The following THADA variants were observed in gnomAD, a reference collection of about 807,000 sequenced individuals.
The protein encoded by THADA is THADA armadillo repeat containing, also known as tRNA (32-2'-O)-methyltransferase regulator THADA.
In THADA, 213 loss-of-function variants were observed where a neutral mutation model predicts 219.8. The ratio of observed to expected loss-of-function variants is 0.97; its 90% CI spans 0.87 to 1.09. THADA has a LOEUF of 1.09. Among genes scored for constraint, THADA ranks in the 50% least tolerant of loss-of-function variants. The pLI is 0.00. For missense variants in THADA, 2,956 were observed against 2,311.3 expected (o/e 1.28, Z -5.72); for synonymous variants, 1,018 against 828.9 (o/e 1.23, Z -3.92).
chr2:43,320,841 T>C (rs1678623838), intron 30 of THADA, among the ~76,000 whole-genome samples: 1 of 152,174 alleles, frequency 6.6e-6, no homozygotes, highest in Non-Finnish European at 1.5e-5. Flanking sequence ...CTTAGTTAGT[T>C]GAAAATAAGA....
intron 29 of THADA, among the ~76,000 whole-genome samples, chr2:43,377,866 C>T (rs1671557323): frequency 6.6e-6 from 1 of 152,136 alleles, no homozygotes; most frequent in Non-Finnish European, 1.5e-5. Context: ...AAAAGAATTA[C>T]AACCCTTGGG....
At chr2:43,359,341 A>G (rs1669229265) in intron 29 of THADA, among the ~76,000 whole-genome samples, 1 of 152,186 alleles carries the variant, frequency 6.6e-6, no homozygotes, top group African/African-American at 2.4e-5. Context: ...GGGGCCTGTG[A>G]TATCAGTCCT....
At position 43,296,471 on chromosome 2, in the gene THADA, T is replaced by TCA. The variant is rs1384773863; in HGVS notation, c.4439-3260_4439-3259dup. ...TTGTATTTTTAGTAGAGACAGGGTT[T>TCA]CACCATGTTGCCCAGGCTGGTCTCA... On this transcript the variant is annotated intron_variant, in intron 31 of 37. Transcript: ENST00000405975. Among the ~76,000 whole-genome samples the TCA allele has an allele frequency of 2.0e-5, 3 of 151,836 alleles. 1 individual carries two copies. Among genetic ancestry groups the TCA allele is most frequent in the Non-Finnish European group, 2.9e-5 (2 of 67,954 alleles).
chr2:43,375,609 T>C (rs1353285517), intron 29 of THADA, among the ~76,000 whole-genome samples: 1 of 152,218 alleles, frequency 6.6e-6, no homozygotes, highest in Non-Finnish European at 1.5e-5. Flanking sequence ...AGCATGCACT[T>C]CAAAATAATT....
At chr2:43,285,235 A>T (rs1345262456) in intron 35 of THADA, among the ~76,000 whole-genome samples, 1 of 152,216 alleles carries the variant, frequency 6.6e-6, no homozygotes, top group East Asian at 1.9e-4. Flanking sequence ...GGGCAAAATG[A>T]TATGATCTGG....
intron 26 of THADA, among the ~76,000 whole-genome samples, chr2:43,449,631 T>C (rs981179756): frequency 5.3e-5 from 8 of 152,084 alleles, no homozygotes; most frequent in African/African-American, 1.9e-4. Context: ...TAGCCAGTCA[T>C]GGTGGTGTGC....
rs189479073 is a variant in THADA at position 43,525,355 on chromosome 2, A to G, written c.3374+2524T>C. On this transcript the variant is annotated intron_variant, in intron 22 of 37. Coordinates refer to ENST00000405975, the MANE Select transcript of THADA (RefSeq NM_022065.5). ...AATATGATCTTGCCACTTTGCTGTC[A>G]AAAGGTAGACTGAATCCAGGCTGGT... 7.2e-5 allele frequency among the ~76,000 whole-genome samples: 11 copies of G among 152,356 alleles called. No individual in the cohort carries two copies. The East Asian group carries it at 2.1e-3, about 29-fold the overall frequency.
intron 21 of THADA, among the ~76,000 whole-genome samples, chr2:43,529,907 T>A (rs1398496884): frequency 6.6e-6 from 1 of 152,184 alleles, no homozygotes; most frequent in African/African-American, 2.4e-5. Flanking sequence ...ATACCAGTAT[T>A]TAGGACACAG....
intron 35 of THADA, among the ~76,000 whole-genome samples, chr2:43,282,932 C>T (rs1673534460): frequency 6.6e-6 from 1 of 152,264 alleles, no homozygotes; most frequent in Non-Finnish European, 1.5e-5. Context: ...CAAAATATCT[C>T]CACCTTTACG....
At chr2:43,291,009 T>C (rs898551166) in intron 34 of THADA, among the ~76,000 whole-genome samples, 1 of 152,092 alleles carries the variant, frequency 6.6e-6, no homozygotes, top group Non-Finnish European at 1.5e-5. Context: ...GTTCACTAGG[T>C]TGCAATCCTA....
At chr2:43,277,006 T>C (rs1027676914) in intron 36 of THADA, among the ~76,000 whole-genome samples, 14 of 152,022 alleles carry the variant, frequency 9.2e-5, no homozygotes, top group African/African-American at 3.4e-4. Context: ...ATCAGTCCTC[T>C]CCTCTCCATC....
chr2:43,382,143 G>A (rs183809983), intron 29 of THADA, among the ~76,000 whole-genome samples: 16 of 152,258 alleles, frequency 1.1e-4, no homozygotes, highest in Admixed American at 3.3e-4. Context: ...AAGGAGATAC[G>A]ACATCTAAAT....
chr2:43,549,152 C>T, intron 20 of THADA, 58 bp downstream of exon 20: 1 of 1,364,482 alleles, frequency 7.3e-7, no homozygotes, highest in South Asian at 1.5e-5. Context: ...AAAGGGCATT[C>T]TGTACATTTT....
rs534747831 is a variant in THADA at position 43,425,648 on chromosome 2, T to C, written c.4058+2452A>G. Among the ~76,000 whole-genome samples the C allele has an allele frequency of 9.8e-5, 15 of 152,304 alleles. 1 individual carries two copies. In the South Asian group the frequency reaches 2.9e-3, roughly 29 times the overall value. ...GAATTTATATGATAGCCAAGTGATA[T>C]GTTTACATCTTAAAGTTTTAGAAAC... On this transcript the variant is annotated intron_variant, in intron 28 of 37. Coordinates refer to ENST00000405975, the MANE Select transcript of THADA (RefSeq NM_022065.5).
chr2:43,438,352 C>G (rs532939286), intron 26 of THADA, among the ~76,000 whole-genome samples: 66 of 150,794 alleles, frequency 4.4e-4, no homozygotes, highest in Non-Finnish European at 8.1e-4. Context: ...TTTATACCCT[C>G]AAATTGGCAA....
At chr2:43,381,097 C>CA (rs58711910) in intron 29 of THADA, among the ~76,000 whole-genome samples, 6,425 of 52,782 alleles carry the variant, frequency 0.12, 509 homozygotes, top group South Asian at 0.22. Context: ...GAGACTTTGT[C>CA]AAAAAAAAAA....
At chr2:43,402,222 G>C (rs534915036) in intron 28 of THADA, among the ~76,000 whole-genome samples, 70 of 152,286 alleles carry the variant, frequency 4.6e-4, no homozygotes, top group African/African-American at 1.6e-3. Flanking sequence ...ACTGCTCACA[G>C]GGAACCACCA....
At chr2:43,291,662 C>T (rs1426300388) in intron 34 of THADA, 34 bp downstream of exon 34, 1 of 1,494,988 alleles carries the variant, frequency 6.7e-7, no homozygotes, top group East Asian at 2.5e-5. Flanking sequence ...ACAAAAAATC[C>T]TAGGTCCCGG....
chr2:43,297,450 G>C (rs1430964542), intron 31 of THADA, among the ~76,000 whole-genome samples: 22 of 105,562 alleles, frequency 2.1e-4, no homozygotes, highest in Admixed American at 1.6e-3. Flanking sequence ...AGGGAGGTGG[G>C]GGGGGGTCAG....
Sources: gnomAD v4.1 joint callset for allele counts (sites outside exome capture counted in the v4.1 genomes callset) on GRCh38, gnomAD v4.1.1 for gene constraint, MANE v1.5 for transcripts, NCBI Gene and HGNC (gene_info 2026-07-23, HGNC 2026-07-21) for gene names.